The following CEP192 variants were observed in gnomAD, a reference collection of about 807,000 sequenced individuals.
The protein encoded by CEP192 is centrosomal protein of 192 kDa.
Under a neutral mutation model 271.8 loss-of-function variants are expected in CEP192, and 151 were observed. The observed-to-expected ratio is 0.56, with a 90% CI of 0.49 to 0.64. CEP192 has a LOEUF of 0.64. CEP192 is among the 30% of genes least tolerant of loss of function. The pLI is 0.00. For synonymous variants in CEP192, 995 were observed against 1,076.5 expected (o/e 0.92, Z 1.48); for missense variants, 2,910 against 3,020.5 (o/e 0.96, Z 0.86).
At chr18:13,018,825 A>C (rs1290413219) in intron 8 of CEP192, among the ~76,000 whole-genome samples, 1 of 152,194 alleles carries the variant, frequency 6.6e-6, no homozygotes, top group Non-Finnish European at 1.5e-5. Flanking sequence ...TATTTCTTGG[A>C]TTGAATATTA....
At chr18:13,013,078 A>AT in intron 5 of CEP192, 53 bp downstream of exon 5, 1 of 873,574 alleles carries the variant, frequency 1.1e-6, no homozygotes, top group Non-Finnish European at 1.8e-6. Flanking sequence ...GGGCAGTAAA[A>AT]TTTCATATTT....
intron 40 of CEP192, among the ~76,000 whole-genome samples, chr18:13,107,858 C>T (rs539778752): frequency 9.4e-4 from 131 of 138,698 alleles, no homozygotes; most frequent in African/African-American, 3.5e-3. Flanking sequence ...TGAGTTAAAG[C>T]GATTAGAAAT....
At chr18:13,088,707 A>C (rs780619702) in intron 32 of CEP192, 14 of 242,992 alleles carry the variant, frequency 5.8e-5, no homozygotes, top group Non-Finnish European at 9.4e-5. Flanking sequence ...ACTGTTTTTT[A>C]TTCTAATACA....
chr18:13,096,371 A>G, intron 36 of CEP192, 64 bp downstream of exon 36: 1 of 1,575,850 alleles, frequency 6.3e-7, no homozygotes, highest in Non-Finnish European at 8.7e-7. Context: ...CTTTCTAAAG[A>G]TCAAATAATA....
chr18:13,068,529 C>A, intron 24 of CEP192, 107 bp downstream of exon 24: 1 of 1,001,956 alleles, frequency 1.0e-6, no homozygotes, highest in Non-Finnish European at 1.5e-6. Context: ...CGAAATCTGT[C>A]AACTATTTTA....
chr18:13,039,357 A>C (rs886562665), intron 13 of CEP192, among the ~76,000 whole-genome samples: 7 of 152,054 alleles, frequency 4.6e-5, no homozygotes, highest in Admixed American at 3.9e-4. Flanking sequence ...TGGGAGGCTG[A>C]AGTAGGAGAA....
chr18:13,095,666 G>T lies in CEP192; in HGVS notation c.6418G>T (p.Val2140Leu), dbSNP rs1226340480. ...WTVLPEHLIL[V>L]APSPCDMAKT... ...TGTCCTACCCGAGCACTTGATTCTG[G>T]TAGCTCCTTCTCCTTGTGAGTATGT... The change falls in exon 35 of 45, where the codon GTA (valine) becomes TTA (leucine). Residue 2140 changes from valine to leucine, a missense_variant. By Grantham distance (32) the Val-to-Leu change is conservative. Coordinates refer to ENST00000506447, the MANE Select transcript of CEP192 (RefSeq NM_032142.4). The T allele has an allele frequency of 1.2e-6, 2 of 1,612,720 alleles. No homozygotes were observed. The highest frequency in any genetic ancestry group is 8.5e-7 in the Non-Finnish European group (1 of 1,179,618).
intron 3 of CEP192, 47 bp from the exon 4 acceptor site, chr18:13,008,409 C>T: frequency 7.9e-6 from 10 of 1,266,814 alleles, no homozygotes; most frequent in South Asian, 4.3e-5. Context: ...GTAGATTTAC[C>T]CAAGGTAACT....
chr18:13,017,724 T>A lies in CEP192; in HGVS notation c.789+388T>A, dbSNP rs114297004. ...TCTTTTGTAGATAAGGACATTTTCC[T>A]GCATAACCACAATTCTGTTACCTAA... On this transcript the variant is annotated intron_variant, in intron 7 of 44. Transcript: ENST00000506447. Among the ~76,000 whole-genome samples, 1,515 of 152,346 alleles carry A rather than the reference T, an allele frequency of 9.9e-3. 21 individuals carry two copies. Among genetic ancestry groups the A allele is most frequent in the African/African-American group, 0.035 (1,444 of 41,580 alleles).
Position 13,052,929 on chromosome 18 carries a change from G to C in CEP192, c.3028G>C (p.Glu1010Gln). 1 of 1,605,876 alleles carries C rather than the reference G, an allele frequency of 6.2e-7. No homozygotes were observed. ...ACTCTTCTCTTTCAGGTGTGCGTTA[G>C]AGTCCTTTGGTTCAGCAGCTCAGCA... Reference protein sequence around the residue: ...SGTSSSGCALESFGSAAQQQQ... With the variant: ...SGTSSSGCALQSFGSAAQQQQ... The change falls in exon 18 of 45, where the codon GAG becomes CAG. Residue 1010 changes from glutamate (E) to glutamine (Q), a missense_variant. Transcript: ENST00000506447.
chr18:13,117,266 C>G (rs1199952474), intron 43 of CEP192, among the ~76,000 whole-genome samples: 2 of 152,150 alleles, frequency 1.3e-5, no homozygotes, highest in African/African-American at 4.8e-5. Flanking sequence ...TGAACATAAA[C>G]TCACTGGAAG....
At chr18:13,009,575 G>A (rs2034206883) in intron 4 of CEP192, among the ~76,000 whole-genome samples, 1 of 152,256 alleles carries the variant, frequency 6.6e-6, no homozygotes, top group Admixed American at 6.5e-5. Context: ...GCTTACGCCT[G>A]TAATCTCAAC....
At chr18:13,106,527 C>G (rs1488168087) in intron 40 of CEP192, among the ~76,000 whole-genome samples, 1 of 150,474 alleles carries the variant, frequency 6.6e-6, no homozygotes, top group Non-Finnish European at 1.5e-5. Context: ...CCACCACCAC[C>G]ACCACCACCT....
intron 30 of CEP192, among the ~76,000 whole-genome samples, chr18:13,081,613 G>A (rs1485061960): frequency 6.6e-6 from 1 of 151,992 alleles, no homozygotes. Context: ...TTTTTTTGAA[G>A]GTTTTTTTGT....
intron 21 of CEP192, among the ~76,000 whole-genome samples, chr18:13,066,410 A>G (rs1454358944): frequency 6.6e-6 from 1 of 151,732 alleles, no homozygotes; most frequent in Non-Finnish European, 1.5e-5. Flanking sequence ...AGTCTTCCTG[A>G]TTTTCTTCTA....
chr18:13,068,744 T>C (rs2037848915), intron 24 of CEP192, 108 bp from the exon 25 acceptor site: 1 of 1,120,520 alleles, frequency 8.9e-7, no homozygotes, highest in African/African-American at 1.6e-5. Flanking sequence ...AAAATCTGCT[T>C]GCCTAAATTT....
At chr18:13,065,527 C>G (rs535428830) in intron 21 of CEP192, among the ~76,000 whole-genome samples, 7 of 152,122 alleles carry the variant, frequency 4.6e-5, no homozygotes, top group African/African-American at 1.7e-4. Context: ...TCTGCAGTTA[C>G]AAAAGAACTA....
chr18:13,056,162 A>C lies in CEP192; in HGVS notation c.3572A>C (p.Glu1191Ala). The change falls in exon 19 of 45, where the codon GAG becomes GCG. Residue 1191 changes from glutamate (E) to alanine (A), a missense_variant. Physicochemically the swap from Glu to Ala is moderately radical, Grantham distance 107 (BLOSUM62 -1). Coordinates refer to ENST00000506447, the MANE Select transcript of CEP192 (RefSeq NM_032142.4). ...SATSHPVSCQ[E>A]PIDEDQRISP... Reference sequence around the variant, plus strand: ...ACATCACACCCTGTGTCCTGCCAGGAGCCTATAGATGAAGATCAAAGAATA... The same window carrying C: ...ACATCACACCCTGTGTCCTGCCAGGCGCCTATAGATGAAGATCAAAGAATA... 1 of 1,613,880 alleles carries C rather than the reference A, an allele frequency of 6.2e-7. No homozygotes were observed. Among genetic ancestry groups the C allele is most frequent in the Non-Finnish European group, 8.5e-7 (1 of 1,179,862 alleles).
At chr18:13,034,110 AT>A (rs1452580541) in intron 11 of CEP192, among the ~76,000 whole-genome samples, 1 of 152,198 alleles carries the variant, frequency 6.6e-6, no homozygotes, top group East Asian at 1.9e-4. Context: ...TTAAATTTGA[AT>A]TATTAGATGT....
Sources: gnomAD v4.1 joint callset for allele counts (sites outside exome capture counted in the v4.1 genomes callset) on GRCh38, gnomAD v4.1.1 for gene constraint, MANE v1.5 for transcripts, NCBI Gene and HGNC (gene_info 2026-07-23, HGNC 2026-07-21) for gene names.